LINGO2: variants seen among roughly 807,000 people sequenced by gnomAD.
The protein encoded by LINGO2 is leucine rich repeat and Ig domain containing 2, also known as leucine-rich repeat and immunoglobulin-like domain-containing nogo receptor-interacting protein 2.
A neutral mutation model predicts 30.6 loss-of-function variants in LINGO2; 14 were observed. The observed-to-expected ratio is 0.46, with a 90% CI of 0.30 to 0.72. The LOEUF (loss-of-function observed/expected upper bound fraction) is 0.72. LINGO2 is among the 30% of genes least tolerant of loss of function. The pLI is 0.07. For missense variants in LINGO2, 729 were observed against 751.7 expected, an observed-to-expected ratio of 0.97 and a Z score of 0.35; for synonymous variants, 317 against 288.5, an observed-to-expected ratio of 1.10 and a Z score of -1.00.
intron 2 of LINGO2, among the ~76,000 whole-genome samples, chr9:28,441,340 T>C (rs1177020159): frequency 7.4e-6 from 1 of 135,498 alleles, no homozygotes; most frequent in Non-Finnish European, 1.5e-5. Context: ...AAACTAACTT[T>C]CAGTTAAATA....
chr9:28,080,011 G>A (rs1214823782), intron 4 of LINGO2, among the ~76,000 whole-genome samples: 1 of 152,128 alleles, frequency 6.6e-6, no homozygotes, highest in East Asian at 1.9e-4. Context: ...CATCAAGCCT[G>A]TCAGCTCTAC....
intron 5 of LINGO2, among the ~76,000 whole-genome samples, chr9:27,951,450 A>T (rs17506986): frequency 6.6e-6 from 1 of 152,076 alleles, no homozygotes; most frequent in Non-Finnish European, 1.5e-5. Context: ...GCTCTTTTAA[A>T]TGATTTTGAG....
intron 2 of LINGO2, among the ~76,000 whole-genome samples, chr9:28,380,220 T>C (rs190327110): frequency 2.6e-4 from 40 of 151,874 alleles, no homozygotes; most frequent in African/African-American, 9.4e-4. Context: ...AATAAACAGG[T>C]TTCAAACATA....
intron 2 of LINGO2, among the ~76,000 whole-genome samples, chr9:28,406,368 G>T (rs1356908992): frequency 6.6e-6 from 1 of 152,020 alleles, no homozygotes; most frequent in Non-Finnish European, 1.5e-5. Context: ...AGGGGGCAGA[G>T]GTTGCAGTGA....
chr9:28,486,869 T>C (rs548612784), intron 1 of LINGO2, among the ~76,000 whole-genome samples: 79 of 152,144 alleles, frequency 5.2e-4, no homozygotes, highest in Middle Eastern at 6.8e-3. Context: ...ACAGCCAGAC[T>C]CTCTTTTGTA....
At chr9:28,767,356 A>G in the LINGO2 span, among the ~76,000 whole-genome samples, 9 of 152,336 alleles carry the variant, frequency 5.9e-5, no homozygotes, top group African/African-American at 1.7e-4. Context: ...CATTAAAAAT[A>G]TACAATTAAA....
At chr9:28,922,984 G>A in the LINGO2 span, among the ~76,000 whole-genome samples, 1,841 of 152,202 alleles carry the variant, frequency 0.012, 20 homozygotes, top group Non-Finnish European at 0.016. Context: ...TGAATACAAC[G>A]CAAGGATTGA....
At chr9:28,586,879 A>AG (rs1824570037) in intron 1 of LINGO2, among the ~76,000 whole-genome samples, 1 of 152,032 alleles carries the variant, frequency 6.6e-6, no homozygotes, top group South Asian at 2.1e-4. Flanking sequence ...TAATTTCTTA[A>AG]GAAAAAAAAC....
the LINGO2 span, among the ~76,000 whole-genome samples, chr9:28,864,823 A>T: frequency 6.6e-6 from 1 of 152,182 alleles, no homozygotes; most frequent in Non-Finnish European, 1.5e-5. Context: ...ATGAAAAAAA[A>T]ATATTTGTTT....
the LINGO2 span, among the ~76,000 whole-genome samples, chr9:28,945,117 G>A: frequency 1.3e-5 from 2 of 152,102 alleles, no homozygotes; most frequent in South Asian, 4.1e-4. Flanking sequence ...AGCTGTACCA[G>A]TTGCATGCTA....
chr9:29,158,283 G>C, the LINGO2 span, among the ~76,000 whole-genome samples: 340 of 152,204 alleles, frequency 2.2e-3, 1 homozygote, highest in African/African-American at 7.8e-3. Flanking sequence ...ATGAGCCCAG[G>C]AGGTCAAGGC....
intron 4 of LINGO2, among the ~76,000 whole-genome samples, chr9:28,276,093 G>T: frequency 6.6e-6 from 1 of 152,156 alleles, no homozygotes; most frequent in East Asian, 1.9e-4. Flanking sequence ...AGTACCCACT[G>T]CTTGGCTATG....
At chr9:28,313,680 G>C (rs1467716530) in intron 3 of LINGO2, among the ~76,000 whole-genome samples, 1 of 152,130 alleles carries the variant, frequency 6.6e-6, no homozygotes, top group African/African-American at 2.4e-5. Context: ...TTTGAAGAAA[G>C]TTGCTTCTCG....
the LINGO2 span, among the ~76,000 whole-genome samples, chr9:28,990,696 C>T: frequency 1.3e-5 from 2 of 152,112 alleles, no homozygotes; most frequent in Non-Finnish European, 1.5e-5. Flanking sequence ...ATTCGCGGTT[C>T]ACGAAAATCC....
chr9:28,824,192 C>T, the LINGO2 span, among the ~76,000 whole-genome samples: 1 of 152,124 alleles, frequency 6.6e-6, no homozygotes, highest in Non-Finnish European at 1.5e-5. Context: ...GGACTCTAGT[C>T]TCTGGGAATA....
chr9:28,957,726 T>C, the LINGO2 span, among the ~76,000 whole-genome samples: 1 of 152,184 alleles, frequency 6.6e-6, no homozygotes, highest in Non-Finnish European at 1.5e-5. Flanking sequence ...TGGCAATACC[T>C]AGACCATCAT....
intron 1 of LINGO2, among the ~76,000 whole-genome samples, chr9:28,576,122 G>T (rs1291489356): frequency 6.6e-6 from 1 of 152,148 alleles, no homozygotes; most frequent in African/African-American, 2.4e-5. Flanking sequence ...CCTTAAATGT[G>T]CTTAGAACAC....
At chr9:28,808,310 A>T in the LINGO2 span, among the ~76,000 whole-genome samples, 1 of 152,216 alleles carries the variant, frequency 6.6e-6, no homozygotes, top group Non-Finnish European at 1.5e-5. Context: ...GAGCAAAAGA[A>T]ATCTTAAACT....
the LINGO2 span, among the ~76,000 whole-genome samples, chr9:28,864,639 T>C: frequency 1.1e-5 from 1 of 88,676 alleles, no homozygotes; most frequent in African/African-American, 4.5e-5. Context: ...GTTTGCTTTA[T>C]AGAAGCTCAT....
Sources: allele counts gnomAD v4.1 joint callset (sites outside exome capture counted in the v4.1 genomes callset), GRCh38; gene constraint gnomAD v4.1.1; transcripts MANE v1.5; gene names NCBI Gene and HGNC (gene_info 2026-07-23, HGNC 2026-07-21).